The following PDE10A variants were observed in gnomAD, a reference collection of about 807,000 sequenced individuals.
The protein encoded by PDE10A is cAMP and cAMP-inhibited cGMP 3',5'-cyclic phosphodiesterase 10A.
Under a neutral mutation model 97.7 loss-of-function variants are expected in PDE10A, and 39 were observed. That is an observed-to-expected ratio of 0.40 (90% CI 0.31 to 0.52). PDE10A has a LOEUF of 0.52. PDE10A is among the 20% of genes least tolerant of loss of function. The pLI is 0.56. For synonymous variants in PDE10A, 371 were observed against 376.8 expected (o/e 0.98, Z 0.18); for missense variants, 731 against 1,047.8 (o/e 0.70, Z 4.17).
intron 1 of PDE10A, among the ~76,000 whole-genome samples, chr6:165,944,193 G>A (rs572138740): frequency 3.2e-4 from 49 of 152,276 alleles, no homozygotes; most frequent in Non-Finnish European, 5.1e-4. Context: ...TGGGAGAACC[G>A]CATGAAGGTA....
intron 1 of PDE10A, among the ~76,000 whole-genome samples, chr6:165,568,883 TAA>T (rs1784918966): frequency 6.6e-6 from 1 of 152,132 alleles, no homozygotes; most frequent in Non-Finnish European, 1.5e-5. Context: ...GTGAGAAAAT[TAA>T]AAAGACACTA....
chr6:165,515,031 TAGTTCA>T (rs1335143779), intron 2 of PDE10A, among the ~76,000 whole-genome samples: 35 of 152,204 alleles, frequency 2.3e-4, no homozygotes, highest in African/African-American at 8.4e-4. Flanking sequence ...TTTCAATGTG[TAGTTCA>T]CTGACCTCTG....
At chr6:165,563,480 GAT>G (rs1784626010) in intron 1 of PDE10A, among the ~76,000 whole-genome samples, 1 of 152,132 alleles carries the variant, frequency 6.6e-6, no homozygotes, top group Admixed American at 6.5e-5. Context: ...TTTCTTGAGT[GAT>G]GCAGCCTTTC....
intron 1 of PDE10A, among the ~76,000 whole-genome samples, chr6:165,784,277 G>C (rs9364816): frequency 0.65 from 98,596 of 151,774 alleles, 32,223 homozygotes; most frequent in African/African-American, 0.73. Context: ...CTTTAACTCA[G>C]TGGACGTGTA....
chr6:165,520,486 G>A (rs73039509), intron 2 of PDE10A, among the ~76,000 whole-genome samples: 8,709 of 152,206 alleles, frequency 0.057, 491 homozygotes, highest in East Asian at 0.29. Flanking sequence ...TATGATGAAG[G>A]AGAGGGATGG....
intron 2 of PDE10A, among the ~76,000 whole-genome samples, chr6:165,483,368 C>T (rs1338587842): frequency 6.6e-6 from 1 of 152,208 alleles, no homozygotes; most frequent in Non-Finnish European, 1.5e-5. Context: ...CACACTTGCT[C>T]ATATATTTTC....
chr6:165,924,783 T>C (rs140356588), intron 1 of PDE10A, among the ~76,000 whole-genome samples: 30 of 152,304 alleles, frequency 2.0e-4, no homozygotes, highest in Non-Finnish European at 4.0e-4. Context: ...ATCACAAACT[T>C]AAATGTAAAA....
At chr6:165,734,277 TG>T (rs1047407471) in intron 1 of PDE10A, among the ~76,000 whole-genome samples, 5 of 152,062 alleles carry the variant, frequency 3.3e-5, no homozygotes, top group Admixed American at 3.3e-4. Flanking sequence ...GTGACACGCC[TG>T]GGCCACCTCC....
chr6:165,806,820 C>T (rs1779156035), intron 1 of PDE10A, among the ~76,000 whole-genome samples: 1 of 152,178 alleles, frequency 6.6e-6, no homozygotes, highest in Non-Finnish European at 1.5e-5. Context: ...CCAGAATCAG[C>T]CACTTCAGGT....
At chr6:165,459,182 C>T (rs1276222268) in intron 3 of PDE10A, among the ~76,000 whole-genome samples, 1 of 152,148 alleles carries the variant, frequency 6.6e-6, no homozygotes, top group Non-Finnish European at 1.5e-5. Context: ...GCCTGGCTGC[C>T]TCCCTGACTT....
rs185629756 is a variant in PDE10A, at chr6:165,328,224, A to T, written c.*4801T>A. 5 of 152,346 alleles carry T rather than the reference A, an allele frequency of 3.3e-5. No homozygotes were observed. In the East Asian group the frequency reaches 9.6e-4, roughly 29 times the overall value. The allele number at this position is 152,346 out of a possible 1,614,324, so 9.4% of individuals were successfully genotyped here. On this transcript the variant is annotated 3_prime_UTR_variant, in exon 22 of 22. Coordinates refer to ENST00000539869, the MANE Select transcript of PDE10A (RefSeq NM_001385079.1). Reference sequence around the variant, plus strand: ...AATAATATTCCTATATGTCATTTATATAGGCTATCAGAGATACAGCATAGG... The same window carrying T: ...AATAATATTCCTATATGTCATTTATTTAGGCTATCAGAGATACAGCATAGG...
intron 1 of PDE10A, among the ~76,000 whole-genome samples, chr6:165,929,693 T>C (rs531706887): frequency 2.0e-5 from 3 of 152,330 alleles, no homozygotes; most frequent in African/African-American, 7.2e-5. Flanking sequence ...CCAACTTCAC[T>C]GTCCCTAGCA....
At chr6:165,552,748 T>C (rs1336970655) in intron 1 of PDE10A, among the ~76,000 whole-genome samples, 1 of 152,212 alleles carries the variant, frequency 6.6e-6, no homozygotes, top group East Asian at 1.9e-4. Flanking sequence ...TGAGTACAAC[T>C]ACATGCCCAG....
intron 1 of PDE10A, among the ~76,000 whole-genome samples, chr6:165,892,327 C>T (rs530749640): frequency 2.6e-5 from 4 of 152,186 alleles, no homozygotes; most frequent in African/African-American, 9.7e-5. Context: ...TGGACTCCCC[C>T]CTCTTCATTC....
intron 12 of PDE10A, among the ~76,000 whole-genome samples, chr6:165,414,529 A>G (rs557374490): frequency 6.6e-6 from 1 of 152,314 alleles, no homozygotes; most frequent in South Asian, 2.1e-4. Context: ...TTATACCTCT[A>G]TTGAATGGAC....
At chr6:165,789,987 G>C (rs1778605144) in intron 1 of PDE10A, among the ~76,000 whole-genome samples, 1 of 152,134 alleles carries the variant, frequency 6.6e-6, no homozygotes, top group African/African-American at 2.4e-5. Flanking sequence ...GGCCACATTT[G>C]GGGAACTGTC....
At chr6:165,612,311 C>T (rs899639757) in intron 1 of PDE10A, among the ~76,000 whole-genome samples, 1 of 152,152 alleles carries the variant, frequency 6.6e-6, no homozygotes, top group Non-Finnish European at 1.5e-5. Flanking sequence ...GAATGCTCTG[C>T]TCCTTAATCC....
chr6:165,776,500 C>A (rs1254073849), intron 1 of PDE10A, among the ~76,000 whole-genome samples: 1 of 152,190 alleles, frequency 6.6e-6, no homozygotes, highest in Non-Finnish European at 1.5e-5. Flanking sequence ...CCTTACAGAG[C>A]TGGGAGCTGT....
chr6:165,940,668 G>T (rs1476308754), intron 1 of PDE10A: 1 of 152,242 alleles, frequency 6.6e-6, no homozygotes, highest in African/African-American at 2.4e-5. Context: ...GTGCTTCCTC[G>T]TTCCTGGGAG....
Sources: gnomAD v4.1 joint callset for allele counts (sites outside exome capture counted in the v4.1 genomes callset) on GRCh38, gnomAD v4.1.1 for gene constraint, MANE v1.5 for transcripts, NCBI Gene and HGNC (gene_info 2026-07-23, HGNC 2026-07-21) for gene names.